SEMA3A: variants seen among roughly 807,000 people sequenced by gnomAD.
The protein encoded by SEMA3A is semaphorin 3A, also known as semaphorin-3A.
A neutral mutation model predicts 97.9 loss-of-function variants in SEMA3A; 29 were observed. The observed-to-expected ratio is 0.30, with a 90% CI of 0.22 to 0.40. The LOEUF is 0.40. Among genes scored for constraint, SEMA3A ranks in the 10% least tolerant of loss-of-function variants. The pLI, the probability that SEMA3A is intolerant of heterozygous loss-of-function variation, is 1.00. For missense variants in SEMA3A, 763 were observed against 951.3 expected, an observed-to-expected ratio of 0.80 and a Z score of 2.60; for synonymous variants, 321 against 323.7, an observed-to-expected ratio of 0.99 and a Z score of 0.09.
chr7:84,089,199 A>G (rs1222971040), intron 4 of SEMA3A, among the ~76,000 whole-genome samples: 2 of 152,148 alleles, frequency 1.3e-5, no homozygotes, highest in Non-Finnish European at 2.9e-5. Context: ...AGAAATCTCA[A>G]AATCTCACTT....
At chr7:84,073,405 A>C (rs1288040510) in intron 4 of SEMA3A, among the ~76,000 whole-genome samples, 1 of 152,140 alleles carries the variant, frequency 6.6e-6, no homozygotes, top group Non-Finnish European at 1.5e-5. Flanking sequence ...AAAGAAAATA[A>C]ATATGATTCA....
intron 6 of SEMA3A, among the ~76,000 whole-genome samples, chr7:84,038,424 TGTA>T (rs1368693323): frequency 6.6e-6 from 1 of 152,184 alleles, no homozygotes; most frequent in African/African-American, 2.4e-5. Context: ...TTTTTATTTT[TGTA>T]GTAGTTATTT....
intron 1 of SEMA3A, among the ~76,000 whole-genome samples, chr7:84,144,428 G>T (rs944951211): frequency 5.6e-4 from 85 of 151,978 alleles, no homozygotes; most frequent in Non-Finnish European, 1.0e-3. Context: ...TGAAAGAGAT[G>T]AATTCATTAA....
chr7:84,043,031 A>C (rs1000899806), intron 6 of SEMA3A, among the ~76,000 whole-genome samples: 70 of 152,016 alleles, frequency 4.6e-4, no homozygotes, highest in African/African-American at 1.6e-3. Context: ...ATACTGAGAG[A>C]ATTTATGTAG....
At chr7:84,135,030 G>T in intron 1 of SEMA3A, 79 bp from the exon 2 acceptor site, 1 of 1,053,982 alleles carries the variant, frequency 9.5e-7, no homozygotes, top group Non-Finnish European at 1.4e-6. Context: ...ATGGTAACCT[G>T]ACTATATTGA....
chr7:84,319,191 T>G (rs373851694), intron 2 of SEMA3A, among the ~76,000 whole-genome samples: 7 of 152,272 alleles, frequency 4.6e-5, no homozygotes, highest in Admixed American at 1.3e-4. Context: ...TAGAAAATTA[T>G]TCGACCTGAT....
chr7:84,318,515 G>A (rs539732008), intron 2 of SEMA3A, among the ~76,000 whole-genome samples: 2 of 151,586 alleles, frequency 1.3e-5, no homozygotes, highest in African/African-American at 4.8e-5. Flanking sequence ...GTAGAGACGG[G>A]GTTTCACCGT....
rs1344762065 is a variant in SEMA3A at position 84,334,152 on chromosome 7, C to A, written c.-168-26860G>T. ...TAGTTTAAGTTCTGTCTATATAATT[C>A]CAAATCTCGGAATTGATCTTTTTAA... is the stretch of plus-strand genomic sequence containing the variant. On this transcript the variant is annotated intron_variant, in intron 2 of 3. Coordinates refer to the SEMA3A transcript ENST00000424555. Among the ~76,000 whole-genome samples, 3 of 151,998 alleles carry A rather than the reference C, an allele frequency of 2.0e-5. No individual in the cohort carries two copies. The East Asian group carries it at 5.8e-4, about 29-fold the overall frequency.
chr7:84,030,584 A>G (rs1791705814), intron 6 of SEMA3A, among the ~76,000 whole-genome samples: 1 of 152,186 alleles, frequency 6.6e-6, no homozygotes, highest in Non-Finnish European at 1.5e-5. Context: ...TGCAATCCAC[A>G]GTCATATCTC....
At chr7:84,245,192 T>C (rs2115581681) in intron 3 of SEMA3A, among the ~76,000 whole-genome samples, 1 of 152,312 alleles carries the variant, frequency 6.6e-6, no homozygotes, top group South Asian at 2.1e-4. Flanking sequence ...GTTTTCCAAC[T>C]TGGTTCCATT....
chr7:84,061,418 C>G (rs746996608), intron 4 of SEMA3A, among the ~76,000 whole-genome samples: 24 of 152,142 alleles, frequency 1.6e-4, no homozygotes, highest in Non-Finnish European at 1.6e-4. Context: ...CTACTGCACT[C>G]TATATGTGAC....
At chr7:84,192,763 TAGATATATTCA>T (rs1798089553) in intron 1 of SEMA3A, among the ~76,000 whole-genome samples, 1 of 151,972 alleles carries the variant, frequency 6.6e-6, no homozygotes, top group Non-Finnish European at 1.5e-5. Flanking sequence ...ATTTAGCACT[TAGATATATTCA>T]AGCCTAGCAG....
At chr7:84,193,510 T>A (rs1798115231) in intron 1 of SEMA3A, among the ~76,000 whole-genome samples, 2 of 152,076 alleles carry the variant, frequency 1.3e-5, no homozygotes, top group Admixed American at 1.3e-4. Context: ...GGAGTAAAAC[T>A]ACTTGAGTTA....
chr7:84,050,757 T>G (rs1792592710), intron 5 of SEMA3A, among the ~76,000 whole-genome samples: 1 of 152,224 alleles, frequency 6.6e-6, no homozygotes, highest in Non-Finnish European at 1.5e-5. Flanking sequence ...CCATGGCTTT[T>G]GGTGTTTTAG....
intron 1 of SEMA3A, among the ~76,000 whole-genome samples, chr7:84,424,916 T>TAA (rs1562943141): frequency 3.1e-4 from 10 of 32,770 alleles, no homozygotes; most frequent in African/African-American, 2.0e-3. Flanking sequence ...CATAAATATA[T>TAA]ATATATATTT....
At chr7:84,001,299 C>A (rs1790439291) in intron 12 of SEMA3A, among the ~76,000 whole-genome samples, 1 of 152,030 alleles carries the variant, frequency 6.6e-6, no homozygotes, top group African/African-American at 2.4e-5. Context: ...CACCCCATGT[C>A]CTGCTGCTTC....
At chr7:84,397,335 T>C (rs1803762336) in intron 1 of SEMA3A, among the ~76,000 whole-genome samples, 1 of 150,664 alleles carries the variant, frequency 6.6e-6, no homozygotes, top group Admixed American at 6.6e-5. Flanking sequence ...GGTGGATAAT[T>C]GTGAACATTT....
At chr7:84,348,547 C>A (rs545111832) in intron 2 of SEMA3A, among the ~76,000 whole-genome samples, 4 of 151,994 alleles carry the variant, frequency 2.6e-5, no homozygotes, top group Admixed American at 1.3e-4. Flanking sequence ...AAAGCCAGAC[C>A]CCTAAAGTAC....
intron 1 of SEMA3A, among the ~76,000 whole-genome samples, chr7:84,431,040 C>T (rs1019754518): frequency 6.6e-6 from 1 of 151,840 alleles, no homozygotes; most frequent in African/African-American, 2.4e-5. Flanking sequence ...AAGCGTAAAG[C>T]TCTAAAAGCA....
Sources: allele counts gnomAD v4.1 joint callset (sites outside exome capture counted in the v4.1 genomes callset), GRCh38; gene constraint gnomAD v4.1.1; transcripts MANE v1.5; gene names NCBI Gene and HGNC (gene_info 2026-07-23, HGNC 2026-07-21).